CEACAM18: variants seen among roughly 807,000 people sequenced by gnomAD.
CEACAM18 encodes CEA cell adhesion molecule 18.
In CEACAM18, 33 loss-of-function variants were observed where a neutral mutation model predicts 34.3. The observed-to-expected ratio is 0.96, with a 90% CI of 0.73 to 1.29. The LOEUF is 1.29. Ranked by LOEUF, CEACAM18 falls within the 50% of genes most tolerant of loss-of-function variation. CEACAM18 has a pLI of 0.00. For missense variants in CEACAM18, 474 were observed against 485.0 expected, an observed-to-expected ratio of 0.98 and a Z score of 0.21; for synonymous variants, 169 against 180.9, an observed-to-expected ratio of 0.93 and a Z score of 0.53.
At chr19:51,483,235 G>A in exon 4 of CEACAM18, 1 of 1,614,022 alleles carries the variant, frequency 6.2e-7, no homozygotes, top group Non-Finnish European at 8.5e-7. Flanking sequence ...CCGATGCACT[G>A]TGGAGAACCC....
chr19:51,481,729 A>G (rs1484594934), intron 3 of CEACAM18, 64 bp downstream of exon 3: 38 of 1,523,958 alleles, frequency 2.5e-5, no homozygotes, highest in Non-Finnish European at 3.4e-5. Flanking sequence ...AGGGATAGGA[A>G]TATGTTAGGA....
intron 1 of CEACAM18, among the ~76,000 whole-genome samples, chr19:51,479,397 C>A (rs968724611): frequency 2.0e-5 from 3 of 152,180 alleles, no homozygotes; most frequent in Admixed American, 2.0e-4. Context: ...TGTAGAAATT[C>A]TCGGGGGAGT....
Position 51,488,538 on chromosome 19 carries a change from C to T in CEACAM18, c.1090-2049C>T, listed in dbSNP as rs76764117. On this transcript the variant is annotated intron_variant, in intron 5 of 5. Coordinates refer to ENST00000396477, the Ensembl canonical transcript of CEACAM18. ...ATAGGTTCAATATCTAAATACAAGACCTCGCCTGGGAGGTCAGCGAGGTCT... is the reference window on the plus strand; with the variant it reads ...ATAGGTTCAATATCTAAATACAAGATCTCGCCTGGGAGGTCAGCGAGGTCT... 9.1e-3 allele frequency among the ~76,000 whole-genome samples: 1,390 copies of T among 152,270 alleles called. 22 individuals are homozygous for T. Among genetic ancestry groups the T allele is most frequent in the African/African-American group, 0.031 (1,272 of 41,560 alleles).
chr19:51,478,940 A>ACGCACG (rs2122178042), intron 1 of CEACAM18, among the ~76,000 whole-genome samples: 1 of 139,348 alleles, frequency 7.2e-6, no homozygotes, highest in African/African-American at 2.6e-5. Flanking sequence ...TTACACACAC[A>ACGCACG]CGCACACGCA....
At chr19:51,480,493 C>A (rs1989892230) in exon 2 of CEACAM18, 1 of 1,613,770 alleles carries the variant, frequency 6.2e-7, no homozygotes, top group African/African-American at 1.3e-5. Context: ...GCGCAGGAAA[C>A]ATGATTATCA....
At chr19:51,483,608 C>T (rs575464783) in intron 4 of CEACAM18, among the ~76,000 whole-genome samples, 6 of 152,250 alleles carry the variant, frequency 3.9e-5, no homozygotes, top group Non-Finnish European at 7.4e-5. Flanking sequence ...TAAGTGAATG[C>T]GATTGGCATC....
At chr19:51,486,844 A>G (rs1462023619) in intron 5 of CEACAM18, among the ~76,000 whole-genome samples, 1 of 149,766 alleles carries the variant, frequency 6.7e-6, no homozygotes, top group South Asian at 2.1e-4. Flanking sequence ...CAGCCTCCCA[A>G]GTAGCCAGGA....
exon 4 of CEACAM18, chr19:51,483,086 G>C: frequency 1.2e-6 from 2 of 1,614,022 alleles, no homozygotes; most frequent in Non-Finnish European, 1.7e-6. Context: ...GCTGAGATCG[G>C]CTCCCAAGTG....
At chr19:51,479,399 C>T (rs551892926) in intron 1 of CEACAM18, among the ~76,000 whole-genome samples, 58 of 152,310 alleles carry the variant, frequency 3.8e-4, no homozygotes, top group African/African-American at 1.3e-3. Flanking sequence ...TAGAAATTCT[C>T]GGGGGAGTAT....
At chr19:51,486,883 A>C (rs1010319346) in intron 5 of CEACAM18, among the ~76,000 whole-genome samples, 3 of 148,660 alleles carry the variant, frequency 2.0e-5, no homozygotes, top group Admixed American at 1.3e-4. Context: ...ACACCTGGCT[A>C]ATTTTTTTGT....
At chr19:51,490,644 A>G in exon 6 of CEACAM18, 1 of 1,232,640 alleles carries the variant, frequency 8.1e-7, no homozygotes, top group South Asian at 4.1e-5. Flanking sequence ...CAGAAGGGCA[A>G]GCAGGTGAGG....
chr19:51,487,300 C>A (rs962158984), intron 5 of CEACAM18, among the ~76,000 whole-genome samples: 1 of 150,172 alleles, frequency 6.7e-6, no homozygotes, highest in African/African-American at 2.5e-5. Flanking sequence ...CGTGGTGAAA[C>A]CTCATCTCTA....
intron 5 of CEACAM18, among the ~76,000 whole-genome samples, chr19:51,487,624 A>G (rs1273148438): frequency 6.6e-6 from 1 of 152,074 alleles, no homozygotes; most frequent in Admixed American, 6.6e-5. Flanking sequence ...AAATTAGCCA[A>G]GTGTGATGGC....
chr19:51,481,668 G>A lies in CEACAM18; in HGVS notation c.673+3G>A. On this transcript the variant is annotated splice_donor_region_variant and intron_variant, in intron 3 of 5. Transcript: ENST00000396477. ...ACGCATCTCTCTGACTGTGGCCTGT[G>A]AGTGGTCTGGGCTCCTGGGACTGAA... 2 of 1,609,014 alleles carry A rather than the reference G, an allele frequency of 1.2e-6. No individual in the cohort carries two copies. The highest frequency in any genetic ancestry group is 2.2e-5 in the South Asian group (2 of 90,650).
exon 4 of CEACAM18, chr19:51,483,041 G>A (rs142462454): frequency 1.2e-6 from 2 of 1,613,996 alleles, no homozygotes; most frequent in East Asian, 2.2e-5. Flanking sequence ...GTGCTGCTGA[G>A]GAGCAATCCT....
chr19:51,481,455 G>A lies in CEACAM18; in HGVS notation c.463G>A (p.Val155Met), dbSNP rs756832885. 5.0e-6 allele frequency: 8 copies of A among 1,613,900 alleles called. No individual in the cohort carries two copies. The Admixed American group carries it at 1.3e-4, about 27-fold the overall frequency. The change falls in exon 3 of 6, where the codon GTG becomes ATG. Residue 155 changes from valine (V) to methionine (M), a missense_variant. Transcript: ENST00000396477. ...CTCCCTGGTGGAGAACATGGATTCTGTGGCTGCTGACTGCCTCACAAATGT... is the reference window on the plus strand; with the variant it reads ...CTCCCTGGTGGAGAACATGGATTCTATGGCTGCTGACTGCCTCACAAATGT...
intron 4 of CEACAM18, 147 bp downstream of exon 4, chr19:51,483,443 C>A: frequency 1.0e-6 from 1 of 991,772 alleles, no homozygotes; most frequent in Non-Finnish European, 1.5e-6. Flanking sequence ...TCTCTGAGGT[C>A]TGGGTCCAAA....
exon 2 of CEACAM18, chr19:51,480,661 C>G (rs772750948): frequency 1.2e-6 from 2 of 1,612,506 alleles, no homozygotes; most frequent in African/African-American, 2.7e-5. Flanking sequence ...AAAGAGCAAC[C>G]GGCTGGCTGG....
At chr19:51,480,241 C>T (rs958046183) in intron 1 of CEACAM18, 92 bp from the exon 2 acceptor site, 29 of 1,062,648 alleles carry the variant, frequency 2.7e-5, no homozygotes, top group East Asian at 5.2e-5. Context: ...CTCTGGGAAT[C>T]GTTCCCGGAT....
Sources: gnomAD v4.1 joint callset for allele counts (sites outside exome capture counted in the v4.1 genomes callset) on GRCh38, gnomAD v4.1.1 for gene constraint, MANE v1.5 for transcripts, NCBI Gene and HGNC (gene_info 2026-07-23, HGNC 2026-07-21) for gene names.